The following CSMD1 variants were observed in gnomAD, a reference collection of about 807,000 sequenced individuals.
The protein encoded by CSMD1 is CUB and sushi domain-containing protein 1.
A neutral mutation model predicts 417.5 loss-of-function variants in CSMD1; 213 were observed. That is an observed-to-expected ratio of 0.51 (90% confidence interval 0.46 to 0.57). The LOEUF (loss-of-function observed/expected upper bound fraction) is 0.57. CSMD1 is among the 20% of genes least tolerant of loss of function. The pLI is 0.00. For synonymous variants in CSMD1, 2,862 were observed against 1,736.8 expected (o/e 1.65, Z -16.11); for missense variants, 6,923 against 4,529.7 (o/e 1.53, Z -15.17).
At chr8:4,477,708 T>C (rs778782108) in intron 2 of CSMD1, among the ~76,000 whole-genome samples, 2 of 152,116 alleles carry the variant, frequency 1.3e-5, no homozygotes, top group Non-Finnish European at 2.9e-5. Flanking sequence ...GAAACAACCT[T>C]TGTCAATTAT....
chr8:3,488,629 C>T (rs753349822), intron 11 of CSMD1, among the ~76,000 whole-genome samples: 2 of 152,160 alleles, frequency 1.3e-5, no homozygotes, highest in African/African-American at 2.4e-5. Flanking sequence ...TCTCTCTCTG[C>T]CTCCTCGCTG....
intron 3 of CSMD1, among the ~76,000 whole-genome samples, chr8:4,265,515 A>T (rs1330478302): frequency 9.5e-6 from 1 of 105,310 alleles, no homozygotes; most frequent in African/African-American, 2.6e-5. Context: ...GCAAAATTTA[A>T]TAGTACAATT....
chr8:3,609,299 C>A (rs1435001047), intron 8 of CSMD1, among the ~76,000 whole-genome samples: 1 of 152,190 alleles, frequency 6.6e-6, no homozygotes, highest in African/African-American at 2.4e-5. Context: ...TCTGAGCTCC[C>A]TCCCTCAGAT....
At chr8:4,655,400 A>C (rs1804165208) in intron 1 of CSMD1, among the ~76,000 whole-genome samples, 1 of 152,218 alleles carries the variant, frequency 6.6e-6, no homozygotes, top group Non-Finnish European at 1.5e-5. Context: ...GATAGGAAGT[A>C]AATGTTAAAC....
At chr8:3,461,511 T>A (rs151317186) in intron 12 of CSMD1, among the ~76,000 whole-genome samples, 1 of 152,132 alleles carries the variant, frequency 6.6e-6, no homozygotes, top group Admixed American at 6.5e-5. Flanking sequence ...CTGATTGAGA[T>A]CTCTGCTCCC....
chr8:3,037,584 G>C (rs894943935), intron 50 of CSMD1, among the ~76,000 whole-genome samples: 1 of 152,162 alleles, frequency 6.6e-6, no homozygotes, highest in African/African-American at 2.4e-5. Context: ...TTTCCACAGA[G>C]TGACTTCTCT....
intron 5 of CSMD1, among the ~76,000 whole-genome samples, chr8:3,982,981 G>C (rs912589020): frequency 2.6e-5 from 4 of 152,046 alleles, no homozygotes; most frequent in East Asian, 1.9e-4. Flanking sequence ...ACGACAAATA[G>C]GGCCCCTAGA....
chr8:3,438,646 C>G (rs1814732593), intron 12 of CSMD1, among the ~76,000 whole-genome samples: 1 of 152,120 alleles, frequency 6.6e-6, no homozygotes, highest in African/African-American at 2.4e-5. Context: ...CTGTTTGCAT[C>G]TTCAATGACA....
At chr8:4,222,041 T>C (rs569832918) in intron 3 of CSMD1, among the ~76,000 whole-genome samples, 54 of 15,064 alleles carry the variant, frequency 3.6e-3, no homozygotes, top group African/African-American at 9.0e-3. Flanking sequence ...CTCTAGAGTA[T>C]GAGAAGACAT....
chr8:3,693,829 G>C (rs889848647), intron 7 of CSMD1, among the ~76,000 whole-genome samples: 3 of 151,040 alleles, frequency 2.0e-5, no homozygotes, highest in Non-Finnish European at 4.4e-5. Context: ...GTTATGGTGT[G>C]TGTGTTGTGT....
chr8:4,330,372 ATC>A (rs760201298), intron 3 of CSMD1, among the ~76,000 whole-genome samples: 62 of 152,208 alleles, frequency 4.1e-4, no homozygotes, highest in South Asian at 1.5e-3. Flanking sequence ...AGTCAGGCAG[ATC>A]ACTTGAGGTC....
chr8:3,105,061 C>T (rs536401137), intron 46 of CSMD1, among the ~76,000 whole-genome samples: 3 of 152,362 alleles, frequency 2.0e-5, no homozygotes, highest in African/African-American at 7.2e-5. Context: ...TGCAAAACCA[C>T]TGCGAAGTCG....
At chr8:4,001,298 A>G (rs2258845) in intron 4 of CSMD1, among the ~76,000 whole-genome samples, 68,477 of 151,876 alleles carry the variant, frequency 0.45, 15,754 homozygotes, top group Non-Finnish European at 0.51. Flanking sequence ...GGCAGCCAAC[A>G]TAACAGGGAC....
chr8:2,936,652 CA>C lies in CSMD1; in HGVS notation c.*1932del, dbSNP rs1436926385. ...ACAGAATCCAACAGCGTGGGGTTCA[CA>C]AGACAAAGGAGTCCCTAGGAGAGGC... is the stretch of plus-strand genomic sequence containing the variant. On this transcript the variant is annotated 3_prime_UTR_variant, in exon 70 of 70. Transcript: ENST00000635120. 6.6e-6 allele frequency: 1 copy of C among 152,170 alleles called. No individual in the cohort carries two copies. Among genetic ancestry groups the C allele is most frequent in the Non-Finnish European group, 1.5e-5 (1 of 68,052 alleles). 9.4% of individuals were successfully genotyped at this position (152,170 alleles called of 1,614,324 possible). A position where few individuals can be genotyped will look rare whatever the true frequency, so the allele number is the denominator to read the frequency against.
chr8:4,161,527 A>C (rs376650027), intron 3 of CSMD1, among the ~76,000 whole-genome samples: 87 of 152,318 alleles, frequency 5.7e-4, no homozygotes, highest in African/African-American at 1.9e-3. Context: ...TGAACACGCA[A>C]AGTCCACTGT....
At chr8:3,894,133 C>A (rs968250772) in intron 5 of CSMD1, among the ~76,000 whole-genome samples, 4 of 152,178 alleles carry the variant, frequency 2.6e-5, no homozygotes, top group Non-Finnish European at 5.9e-5. Flanking sequence ...TAAAAATATT[C>A]TTTTTCCTTT....
intron 6 of CSMD1, among the ~76,000 whole-genome samples, chr8:3,741,268 T>TAG (rs1460604357): frequency 1.5e-5 from 2 of 129,396 alleles, no homozygotes; most frequent in African/African-American, 3.0e-5. Flanking sequence ...GTAGAGGAGG[T>TAG]ATGACTCCAT....
chr8:3,593,588 T>C (rs980876044), intron 8 of CSMD1, among the ~76,000 whole-genome samples: 5 of 152,198 alleles, frequency 3.3e-5, no homozygotes, highest in African/African-American at 1.2e-4. Flanking sequence ...CCTGCTTCAC[T>C]GGGAAATCAC....
intron 26 of CSMD1, among the ~76,000 whole-genome samples, chr8:3,283,309 T>C (rs1802880425): frequency 6.6e-6 from 1 of 152,144 alleles, no homozygotes; most frequent in Non-Finnish European, 1.5e-5. Flanking sequence ...CTGGGGCATG[T>C]AGGGAACCTG....
Sources: gnomAD v4.1 joint callset for allele counts (sites outside exome capture counted in the v4.1 genomes callset) on GRCh38, gnomAD v4.1.1 for gene constraint, MANE v1.5 for transcripts, NCBI Gene and HGNC (gene_info 2026-07-23, HGNC 2026-07-21) for gene names.